Variants in ADGRL3 observed in about 807,000 individuals in gnomAD.
The protein encoded by ADGRL3 is calcium-independent alpha-latrotoxin receptor 3.
In ADGRL3, 62 loss-of-function variants were observed where a neutral mutation model predicts 153.5. That is an observed-to-expected ratio of 0.40 (90% CI 0.33 to 0.50). The LOEUF is 0.50. Among genes scored for constraint, ADGRL3 ranks in the 20% least tolerant of loss-of-function variants. The pLI is 0.47. For synonymous variants in ADGRL3, 710 were observed against 672.5 expected (o/e 1.06, Z -0.86); for missense variants, 1,641 against 1,859.4 (o/e 0.88, Z 2.16).
intron 1 of ADGRL3, among the ~76,000 whole-genome samples, chr4:61,223,688 ATTGT>A (rs767845660): frequency 1.2e-4 from 19 of 152,118 alleles, no homozygotes; most frequent in East Asian, 9.7e-4. Context: ...TGACTCAGTG[ATTGT>A]TTGGGCATTT....
chr4:62,055,476 T>G (rs1736498843), intron 25 of ADGRL3, among the ~76,000 whole-genome samples: 1 of 151,812 alleles, frequency 6.6e-6, no homozygotes, highest in Non-Finnish European at 1.5e-5. Context: ...CACAGTGTGA[T>G]AAATCAAGAT....
chr4:61,413,712 A>T (rs2152283328), intron 2 of ADGRL3, among the ~76,000 whole-genome samples: 1 of 152,240 alleles, frequency 6.6e-6, no homozygotes, highest in East Asian at 1.9e-4. Context: ...CCATGTTGCC[A>T]GATTTTTCTG....
At chr4:61,292,813 T>C (rs2094271603) in intron 1 of ADGRL3, among the ~76,000 whole-genome samples, 1 of 152,140 alleles carries the variant, frequency 6.6e-6, no homozygotes, top group Non-Finnish European at 1.5e-5. Flanking sequence ...ATTCTCAAAA[T>C]GTTCCCCTTC....
chr4:61,438,568 C>T (rs919576271), intron 2 of ADGRL3, among the ~76,000 whole-genome samples: 15 of 151,610 alleles, frequency 9.9e-5, no homozygotes, highest in African/African-American at 3.6e-4. Context: ...TAGAAGAGGC[C>T]CCATAGAAGA....
chr4:61,256,647 G>T (rs972616), intron 1 of ADGRL3, among the ~76,000 whole-genome samples: 55,420 of 151,830 alleles, frequency 0.37, 10,436 homozygotes, highest in Non-Finnish European at 0.41. Context: ...CACAGAAAGC[G>T]CATTTTCACT....
At chr4:61,404,983 A>G (rs1391218531) in intron 2 of ADGRL3, among the ~76,000 whole-genome samples, 6 of 152,094 alleles carry the variant, frequency 3.9e-5, no homozygotes, top group Non-Finnish European at 8.8e-5. Context: ...AGATATAAAA[A>G]TAATGGAGTA....
intron 6 of ADGRL3, among the ~76,000 whole-genome samples, chr4:61,697,519 A>G (rs1417247108): frequency 2.0e-5 from 3 of 150,690 alleles, no homozygotes; most frequent in Non-Finnish European, 4.4e-5. Context: ...AGATCACGCC[A>G]TTACACTCCA....
intron 17 of ADGRL3, among the ~76,000 whole-genome samples, chr4:61,974,828 A>G (rs760183841): frequency 6.6e-6 from 1 of 152,184 alleles, no homozygotes; most frequent in African/African-American, 2.4e-5. Flanking sequence ...TGATGTAACA[A>G]CCTTCTTATT....
At chr4:61,424,173 G>T (rs1403178487) in intron 2 of ADGRL3, among the ~76,000 whole-genome samples, 2 of 152,094 alleles carry the variant, frequency 1.3e-5, no homozygotes, top group Non-Finnish European at 2.9e-5. Context: ...GCACTTCACA[G>T]ACAACAGTGG....
At chr4:61,995,825 T>A (rs2099119777) in intron 19 of ADGRL3, among the ~76,000 whole-genome samples, 1 of 152,160 alleles carries the variant, frequency 6.6e-6, no homozygotes, top group Admixed American at 6.5e-5. Context: ...TAATTAAACT[T>A]CAATCTTCTG....
At chr4:61,757,395 AGTTTATTTGCATAGAGGT>A (rs1483244340) in intron 8 of ADGRL3, among the ~76,000 whole-genome samples, 6 of 152,110 alleles carry the variant, frequency 3.9e-5, no homozygotes, top group African/African-American at 1.4e-4. Context: ...TAGATTTTCT[AGTTTATTTGCATAGAGGT>A]GTTTATAGTA....
chr4:61,487,031 T>G (rs933231770), intron 2 of ADGRL3, among the ~76,000 whole-genome samples: 1 of 152,214 alleles, frequency 6.6e-6, no homozygotes, highest in African/African-American at 2.4e-5. Context: ...TGTTTTAATA[T>G]TTTAGTGTAT....
At chr4:61,611,345 T>G in intron 5 of ADGRL3, among the ~76,000 whole-genome samples, 1 of 151,866 alleles carries the variant, frequency 6.6e-6, no homozygotes, top group African/African-American at 2.4e-5. Flanking sequence ...CTGATGAGAG[T>G]GTTGTGCTGG....
intron 25 of ADGRL3, among the ~76,000 whole-genome samples, chr4:62,049,419 GT>G (rs1420870997): frequency 2.0e-5 from 3 of 152,130 alleles, no homozygotes; most frequent in Non-Finnish European, 4.4e-5. Context: ...GATCTGACTA[GT>G]AAGGGTATAT....
intron 5 of ADGRL3, among the ~76,000 whole-genome samples, chr4:61,588,218 T>A (rs1320000093): frequency 6.6e-6 from 1 of 151,888 alleles, no homozygotes; most frequent in Non-Finnish European, 1.5e-5. Flanking sequence ...AGCCTACAGC[T>A]ATTCAGTTAT....
intron 5 of ADGRL3, among the ~76,000 whole-genome samples, chr4:61,646,821 A>G (rs541853629): frequency 6.0e-4 from 92 of 152,216 alleles, no homozygotes; most frequent in East Asian, 2.3e-3. Flanking sequence ...TGAGCTTCCC[A>G]GCTGCTTTGT....
chr4:61,382,012 T>C (rs1225957217), intron 1 of ADGRL3, among the ~76,000 whole-genome samples: 2 of 151,998 alleles, frequency 1.3e-5, no homozygotes, highest in Non-Finnish European at 2.9e-5. Context: ...TATTAGTGAA[T>C]AGCTTTCACT....
intron 17 of ADGRL3, among the ~76,000 whole-genome samples, chr4:61,948,712 C>T (rs138051276): frequency 7.8e-4 from 118 of 152,212 alleles, no homozygotes; most frequent in African/African-American, 2.8e-3. Flanking sequence ...ATACCCAGAG[C>T]ATGGTAGTGC....
chr4:61,808,797 T>A (rs578032929), intron 8 of ADGRL3, among the ~76,000 whole-genome samples: 4 of 151,844 alleles, frequency 2.6e-5, no homozygotes, highest in Non-Finnish European at 5.9e-5. Flanking sequence ...TCGGGCTTTT[T>A]TTTTTTTTTT....
Sources: gnomAD v4.1 joint callset for allele counts (sites outside exome capture counted in the v4.1 genomes callset) on GRCh38, gnomAD v4.1.1 for gene constraint, MANE v1.5 for transcripts, NCBI Gene and HGNC (gene_info 2026-07-23, HGNC 2026-07-21) for gene names.